The following DNAJC24 variants were observed in gnomAD, a reference collection of about 807,000 sequenced individuals.
The protein encoded by DNAJC24 is dnaJ homolog subfamily C member 24.
In DNAJC24, 17 loss-of-function variants were observed where a neutral mutation model predicts 18.0. The ratio of observed to expected loss-of-function variants is 0.94; its 90% CI spans 0.65 to 1.42. DNAJC24 has a LOEUF of 1.42. Among genes scored for constraint, DNAJC24 ranks in the 40% most tolerant of loss-of-function variants. The pLI, the probability that DNAJC24 is intolerant of heterozygous loss-of-function variation, is 0.00. For missense variants in DNAJC24, 158 were observed against 175.6 expected, an observed-to-expected ratio of 0.90 and a Z score of 0.57; for synonymous variants, 55 against 57.7, an observed-to-expected ratio of 0.95 and a Z score of 0.21.
In DNAJC24 at chr11:31,432,255, G is replaced by A; in HGVS notation, c.*1854G>A. On this transcript the variant is annotated 3_prime_UTR_variant, in exon 5 of 5. Coordinates refer to ENST00000465995, the MANE Select transcript of DNAJC24 (RefSeq NM_181706.5). The stretch of plus-strand genomic sequence containing the variant: ...AATTCAAAAGTGAGGTAGTCATCCA[G>A]GTTCCCCCTCCCACAATATTTTTGT... 1 of 438,594 alleles carries A rather than the reference G, an allele frequency of 2.3e-6. No homozygotes were observed. The highest frequency in any genetic ancestry group is 2.0e-5 in the African/African-American group (1 of 49,874). 27.2% of individuals were successfully genotyped at this position (438,594 alleles called of 1,614,324 possible). A position where few individuals can be genotyped will look rare whatever the true frequency, so the allele number is the denominator to read the frequency against.
chr11:31,422,312 T>C (rs1007143710), intron 3 of DNAJC24, among the ~76,000 whole-genome samples: 3 of 152,180 alleles, frequency 2.0e-5, no homozygotes, highest in African/African-American at 7.2e-5. Context: ...TCAGAAAAAG[T>C]TGAACCCATT....
At chr11:31,372,108 C>T (rs1336482306) in intron 2 of DNAJC24, among the ~76,000 whole-genome samples, 1 of 151,888 alleles carries the variant, frequency 6.6e-6, no homozygotes, top group Non-Finnish European at 1.5e-5. Context: ...CAGGCATGAG[C>T]CACTGCACCC....
At position 31,426,470 on chromosome 11, in the gene DNAJC24, A is replaced by G. The variant is rs971099243; in HGVS notation, c.319+115A>G. 2.7e-5 allele frequency: 16 copies of G among 596,730 alleles called. No homozygotes were observed. The Middle Eastern group carries it at 1.8e-3, about 67-fold the overall frequency. The allele number at this position is 596,730 out of a possible 1,614,324, so 37.0% of individuals were successfully genotyped here. A position where few individuals can be genotyped will look rare whatever the true frequency, so the allele number is the denominator to read the frequency against. On this transcript the variant is annotated intron_variant, in intron 4 of 4. Coordinates refer to ENST00000465995, the MANE Select transcript of DNAJC24 (RefSeq NM_181706.5). ...AAAAGAAATAATAGTGTGGCTTTCT[A>G]TATATATGTGGTAAGTGTTTCTGTC...
chr11:31,397,085 T>G (rs945833326), intron 2 of DNAJC24, among the ~76,000 whole-genome samples: 1 of 152,218 alleles, frequency 6.6e-6, no homozygotes, highest in African/African-American at 2.4e-5. Context: ...AACTTTCTCA[T>G]GCTGTCATCT....
At chr11:31,399,782 T>C (rs1952582770) in intron 2 of DNAJC24, among the ~76,000 whole-genome samples, 1 of 140,712 alleles carries the variant, frequency 7.1e-6, no homozygotes, top group Non-Finnish European at 1.5e-5. Context: ...CCAGGATACA[T>C]ATGCAGAATG....
chr11:31,408,668 C>A (rs1952677811), intron 2 of DNAJC24, among the ~76,000 whole-genome samples: 1 of 152,076 alleles, frequency 6.6e-6, no homozygotes, highest in South Asian at 2.1e-4. Flanking sequence ...TTTTGTAGTA[C>A]CATGAATGAT....
intron 2 of DNAJC24, among the ~76,000 whole-genome samples, chr11:31,399,763 C>CTTTTTTT (rs1952582609): frequency 1.4e-5 from 1 of 70,818 alleles, no homozygotes; most frequent in Non-Finnish European, 2.7e-5. Flanking sequence ...TTTTTTTTTA[C>CTTTTTTT]TTCAAGCTCC....
chr11:31,384,029 T>A (rs1232504266), intron 2 of DNAJC24, among the ~76,000 whole-genome samples: 1 of 152,248 alleles, frequency 6.6e-6, no homozygotes, highest in Non-Finnish European at 1.5e-5. Flanking sequence ...TGATTGTTTT[T>A]CCTTCAGTTT....
Position 31,370,738 on chromosome 11 carries a change from T to C in DNAJC24, c.-11T>C. On this transcript the variant is annotated 5_prime_UTR_variant, in exon 2 of 5. Coordinates refer to ENST00000465995, the MANE Select transcript of DNAJC24 (RefSeq NM_181706.5). ...CAGCTAATCTGAGAAGGCCCACTTC[T>C]GGTTCCATGGATGATGGCGGTTGAG... is the stretch of plus-strand genomic sequence containing the variant. The C allele has an allele frequency of 6.3e-7, 1 of 1,589,174 alleles. No individual in the cohort carries two copies. The highest frequency in any genetic ancestry group is 1.1e-5 in the South Asian group (1 of 87,100).
chr11:31,426,420 A>C (rs543000545), intron 4 of DNAJC24, 65 bp downstream of exon 4: 44 of 901,986 alleles, frequency 4.9e-5, no homozygotes, highest in East Asian at 3.2e-4. Flanking sequence ...AGAAAAAAAA[A>C]CTCATTGGAT....
chr11:31,401,304 T>G lies in DNAJC24; in HGVS notation c.112-13507T>G, dbSNP rs574870577. Among the ~76,000 whole-genome samples the G allele has an allele frequency of 2.0e-5, 3 of 152,272 alleles. No homozygotes were observed. In the South Asian group the frequency reaches 6.2e-4, roughly 32 times the overall value. On this transcript the variant is annotated intron_variant, in intron 2 of 4. Coordinates refer to ENST00000465995, the MANE Select transcript of DNAJC24 (RefSeq NM_181706.5). ...AGTGTAAATTAGTTATCTTAATTCT[T>G]TATTTGAAAAACACCAATACCTACC...
chr11:31,391,775 T>C (rs1248996525), intron 2 of DNAJC24, among the ~76,000 whole-genome samples: 4 of 152,134 alleles, frequency 2.6e-5, no homozygotes, highest in South Asian at 2.1e-4. Flanking sequence ...AAAAGGAAAT[T>C]AGTATATCAA....
chr11:31,383,574 A>G (rs765400411), intron 2 of DNAJC24, among the ~76,000 whole-genome samples: 9 of 152,232 alleles, frequency 5.9e-5, no homozygotes, highest in Non-Finnish European at 1.2e-4. Context: ...TTGGATCTGG[A>G]CACCTATGAA....
chr11:31,409,017 A>T (rs912368482), intron 2 of DNAJC24, among the ~76,000 whole-genome samples: 2 of 152,210 alleles, frequency 1.3e-5, no homozygotes, highest in African/African-American at 4.8e-5. Flanking sequence ...TTAGCCTTTT[A>T]AAATGTTTTG....
chr11:31,394,867 CA>C (rs1952530441), intron 2 of DNAJC24, among the ~76,000 whole-genome samples: 1 of 151,618 alleles, frequency 6.6e-6, no homozygotes, highest in Admixed American at 6.6e-5. Context: ...CATTAAAATA[CA>C]AAAAAAAGTA....
At chr11:31,392,698 C>G in intron 2 of DNAJC24, among the ~76,000 whole-genome samples, 1 of 151,254 alleles carries the variant, frequency 6.6e-6, no homozygotes, top group East Asian at 1.9e-4. Context: ...AGAGAAATCC[C>G]TCACAATTTT....
chr11:31,432,388 AAAC>A lies in DNAJC24; in HGVS notation c.*1991_*1993del, dbSNP rs1449852344. 7.2e-6 allele frequency: 5 copies of A among 689,806 alleles called. No homozygotes were observed. The highest frequency in any genetic ancestry group is 1.2e-5 in the Non-Finnish European group (5 of 408,858). 42.7% of individuals were successfully genotyped at this position (689,806 alleles called of 1,614,324 possible). A position where few individuals can be genotyped will look rare whatever the true frequency, so the allele number is the denominator to read the frequency against. ...AATATTCTTTACATTTAACAATTAA[AAAC>A]AACTAAAACTGAATAGCAAATAGTT... On this transcript the variant is annotated 3_prime_UTR_variant, in exon 5 of 5. Transcript: ENST00000465995.
chr11:31,414,104 A>G (rs1411087449), intron 2 of DNAJC24, among the ~76,000 whole-genome samples: 1 of 152,222 alleles, frequency 6.6e-6, no homozygotes, highest in Non-Finnish European at 1.5e-5. Context: ...ACCCAGTAGT[A>G]TAAATAAATT....
intron 2 of DNAJC24, among the ~76,000 whole-genome samples, chr11:31,398,119 A>C (rs1167677757): frequency 2.0e-5 from 3 of 152,208 alleles, no homozygotes; most frequent in African/African-American, 7.2e-5. Context: ...ATTTCTTGGT[A>C]TCCTAAGAAG....
Sources: gnomAD v4.1 joint callset for allele counts (sites outside exome capture counted in the v4.1 genomes callset) on GRCh38, gnomAD v4.1.1 for gene constraint, MANE v1.5 for transcripts, NCBI Gene and HGNC (gene_info 2026-07-23, HGNC 2026-07-21) for gene names.